The following HMGN5 variants were observed in gnomAD, a reference collection of about 807,000 sequenced individuals.
The protein encoded by HMGN5 is high mobility group nucleosome binding domain 5.
HMGN5 carries 4 observed loss-of-function variants against 9.5 expected under a neutral mutation model. The ratio of observed to expected loss-of-function variants is 0.42; its 90% CI spans 0.21 to 0.96. The LOEUF is 0.96. HMGN5 is among the 40% of genes least tolerant of loss of function. The pLI, the probability that HMGN5 is intolerant of heterozygous loss-of-function variation, is 0.30. For missense variants in HMGN5, 192 were observed against 187.5 expected, an observed-to-expected ratio of 1.02 and a Z score of -0.14; for synonymous variants, 55 against 57.1, an observed-to-expected ratio of 0.96 and a Z score of 0.16.
intron 1 of HMGN5, among the ~76,000 whole-genome samples, chrX:81,167,453 TACAC>T (rs371953666): frequency 0.012 from 1,211 of 102,841 alleles, 15 homozygotes; most frequent in African/African-American, 0.034. Flanking sequence ...CATATTTGTG[TACAC>T]ACACACACAC....
intron 1 of HMGN5, among the ~76,000 whole-genome samples, chrX:81,185,112 A>G (rs1316115077): frequency 9.0e-6 from 1 of 111,522 alleles, no homozygotes; most frequent in Non-Finnish European, 1.9e-5. Context: ...TTCTGGGTTT[A>G]CTGTGGTTCC....
At chrX:81,185,834 A>AT (rs1208626514) in intron 1 of HMGN5, among the ~76,000 whole-genome samples, 2 of 111,086 alleles carry the variant, frequency 1.8e-5, no homozygotes, top group Non-Finnish European at 3.8e-5. Context: ...GGGATGTTGG[A>AT]TTTTTTTCAA....
chrX:81,114,379 T>G lies in HMGN5; in HGVS notation c.*270A>C, dbSNP rs2075246045. On this transcript the variant is annotated 3_prime_UTR_variant, in exon 7 of 7. Coordinates refer to ENST00000358130, the MANE Select transcript of HMGN5 (RefSeq NM_030763.3). ...AAGAGTAAAATTAAAATTCAAAGAT[T>G]TGACATATAACTTACACAACACGAA... The G allele has an allele frequency of 4.8e-6, 1 of 208,445 alleles. No homozygotes were observed. The highest frequency in any genetic ancestry group is 8.2e-5 in the East Asian group (1 of 12,211). 17.2% of individuals were successfully genotyped at this position (208,445 alleles called of 1,213,427 possible).
At chrX:81,146,052 G>A in intron 1 of HMGN5, among the ~76,000 whole-genome samples, 1 of 110,949 alleles carries the variant, frequency 9.0e-6, no homozygotes, top group Middle Eastern at 4.7e-3. Flanking sequence ...CAATAGTAGT[G>A]AGAGACTTTA....
At chrX:81,195,248 A>G (rs1335242118) in intron 1 of HMGN5, 1 of 111,885 alleles carries the variant, frequency 8.9e-6, no homozygotes, top group Admixed American at 9.4e-5. Context: ...AAGGTCCAAG[A>G]GTCCCAAAGC....
chrX:81,159,948 T>G (rs998940711), intron 1 of HMGN5, among the ~76,000 whole-genome samples: 5 of 112,403 alleles, frequency 4.4e-5, no homozygotes, highest in Non-Finnish European at 7.5e-5. Context: ...AATGTAGATA[T>G]AATTTATTGA....
chrX:81,141,514 T>G (rs1167304241), intron 1 of HMGN5, among the ~76,000 whole-genome samples: 1 of 109,683 alleles, frequency 9.1e-6, no homozygotes, highest in East Asian at 2.9e-4. Flanking sequence ...GAGAGACTAC[T>G]TTTGTTTAGG....
At chrX:81,144,354 A>G (rs1236991608) in intron 1 of HMGN5, among the ~76,000 whole-genome samples, 1 of 111,676 alleles carries the variant, frequency 9.0e-6, no homozygotes, top group African/African-American at 3.3e-5. Flanking sequence ...ACCCAGGCAA[A>G]CAGGGTCTGG....
chrX:81,124,435 T>C (rs2075277413), intron 1 of HMGN5, among the ~76,000 whole-genome samples: 1 of 112,522 alleles, frequency 8.9e-6, no homozygotes, highest in South Asian at 3.6e-4. Flanking sequence ...GACAAAAGCC[T>C]TCTTCAATTA....
intron 1 of HMGN5, among the ~76,000 whole-genome samples, chrX:81,192,521 T>C: frequency 8.9e-6 from 1 of 112,147 alleles, no homozygotes; most frequent in South Asian, 3.7e-4. Context: ...TTTGTTATTA[T>C]TGTTTTACAC....
intron 1 of HMGN5, among the ~76,000 whole-genome samples, chrX:81,175,814 C>G (rs1210041591): frequency 8.9e-6 from 1 of 111,739 alleles, no homozygotes; most frequent in Non-Finnish European, 1.9e-5. Context: ...CTCCCAGCTA[C>G]ATGGAACTAT....
At chrX:81,115,714 CAT>C (rs1247175996) in intron 6 of HMGN5, among the ~76,000 whole-genome samples, 3 of 112,104 alleles carry the variant, frequency 2.7e-5, no homozygotes, top group Non-Finnish European at 5.6e-5. Flanking sequence ...TCCATATTTG[CAT>C]ATGTTTGGTT....
intron 3 of HMGN5, 99 bp downstream of exon 3, chrX:81,119,688 TG>T (rs2096771468): frequency 1.5e-6 from 1 of 669,649 alleles, no homozygotes; most frequent in African/African-American, 2.2e-5. Flanking sequence ...GAACTCATAT[TG>T]TACAAATATA....
At chrX:81,197,311 G>C (rs1176738707) in intron 1 of HMGN5, among the ~76,000 whole-genome samples, 7 of 111,994 alleles carry the variant, frequency 6.3e-5, no homozygotes, top group Non-Finnish European at 1.3e-4. Context: ...TTTACAAATA[G>C]TAAACTTAAT....
At chrX:81,119,260 G>A (rs2075262337) in intron 3 of HMGN5, among the ~76,000 whole-genome samples, 1 of 111,556 alleles carries the variant, frequency 9.0e-6, no homozygotes, top group Non-Finnish European at 1.9e-5. Context: ...AGGCCATAAA[G>A]GTAAACTGAG....
At chrX:81,188,849 G>T (rs1382145908) in intron 1 of HMGN5, among the ~76,000 whole-genome samples, 1 of 111,293 alleles carries the variant, frequency 9.0e-6, no homozygotes, top group African/African-American at 3.3e-5. Flanking sequence ...GTGTATATGT[G>T]CCACATTTTC....
At chrX:81,172,432 G>A (rs2075428659) in intron 1 of HMGN5, among the ~76,000 whole-genome samples, 1 of 110,037 alleles carries the variant, frequency 9.1e-6, no homozygotes, top group Non-Finnish European at 1.9e-5. Context: ...GAAATATTAA[G>A]GAGTGAACTA....
intron 1 of HMGN5, among the ~76,000 whole-genome samples, chrX:81,198,893 G>A (rs1285898667): frequency 8.9e-6 from 1 of 111,815 alleles, no homozygotes; most frequent in African/African-American, 3.3e-5. Flanking sequence ...TCAGGCAAGA[G>A]AAAGAAAGAA....
chrX:81,155,864 T>C (rs73631723), intron 1 of HMGN5, among the ~76,000 whole-genome samples: 3,691 of 111,416 alleles, frequency 0.033, 160 homozygotes, highest in African/African-American at 0.11. Flanking sequence ...TGAACCTATA[T>C]TTGTGATAAA....
Sources: gnomAD v4.1 joint callset for allele counts (sites outside exome capture counted in the v4.1 genomes callset) on GRCh38, gnomAD v4.1.1 for gene constraint, MANE v1.5 for transcripts, NCBI Gene and HGNC (gene_info 2026-07-23, HGNC 2026-07-21) for gene names.